Variants in PCK2 observed in about 807,000 individuals in gnomAD.
PCK2 encodes the protein phosphoenolpyruvate carboxykinase [GTP], mitochondrial.
PCK2 carries 56 observed loss-of-function variants against 65.9 expected under a neutral mutation model. The observed-to-expected ratio is 0.85, with a 90% CI of 0.69 to 1.06. The LOEUF (loss-of-function observed/expected upper bound fraction) is 1.06. Among genes scored for constraint, PCK2 ranks in the 50% least tolerant of loss-of-function variants. The pLI, the probability that PCK2 is intolerant of heterozygous loss-of-function variation, is 0.00. For synonymous variants in PCK2, 305 were observed against 319.6 expected (o/e 0.95, Z 0.49); for missense variants, 843 against 863.1 (o/e 0.98, Z 0.29).
chr14:24,100,300 T>C, intron 7 of PCK2, 87 bp downstream of exon 7: 1 of 1,549,880 alleles, frequency 6.5e-7, no homozygotes, highest in South Asian at 1.3e-5. Context: ...TCCAACCATC[T>C]TCTAGGACTG....
intron 7 of PCK2, among the ~76,000 whole-genome samples, chr14:24,101,691 G>A (rs1190333860): frequency 1.3e-5 from 2 of 152,194 alleles, no homozygotes; most frequent in African/African-American, 4.8e-5. Context: ...GGGAGGCCGA[G>A]GCAGTTGGAT....
In PCK2 at chr14:24,094,343, G is replaced by A. The variant is rs1392768647; in HGVS notation, c.-63G>A. ...GCTTCGCCGCGCTCCCTCCTTCCCCGCCTTCCATACCTCCCCGGCTCCGCT... is the reference window on the plus strand; with the variant it reads ...GCTTCGCCGCGCTCCCTCCTTCCCCACCTTCCATACCTCCCCGGCTCCGCT... On this transcript the variant is annotated 5_prime_UTR_variant, in exon 1 of 10. Transcript: ENST00000216780. The surrounding 1 kb of genome is among the most constrained non-coding windows in gnomAD (Gnocchi z 4.1). The A allele has an allele frequency of 2.0e-6, 3 of 1,467,696 alleles. No individual in the cohort carries two copies. The highest frequency in any genetic ancestry group is 1.4e-5 in the African/African-American group (1 of 69,680). The allele number at this position is 1,467,696 out of a possible 1,614,324, so 90.9% of individuals were successfully genotyped here.
At position 24,094,676 on chromosome 14, in the gene PCK2, C is replaced by T; in HGVS notation, c.29+242C>T. 1 of 1,515,652 alleles carries T rather than the reference C, an allele frequency of 6.6e-7. No individual in the cohort carries two copies. The highest frequency in any genetic ancestry group is 8.8e-7 in the Non-Finnish European group (1 of 1,134,162). The allele number at this position is 1,515,652 out of a possible 1,614,324, so 93.9% of individuals were successfully genotyped here. ...TCTGCCTCGCTCGCCTCTGACCGCG[C>T]GATCTCTATCTGCCACTCTCAGAAC... is the stretch of plus-strand genomic sequence containing the variant. On this transcript the variant is annotated intron_variant, in intron 1 of 9. Transcript: ENST00000216780. This position sits in a 1 kb window ranked among gnomAD's most constrained non-coding sequence, Gnocchi z 4.1.
At chr14:24,098,756 C>A in intron 4 of PCK2, 78 bp downstream of exon 4, 1 of 1,256,834 alleles carries the variant, frequency 8.0e-7, no homozygotes, top group Non-Finnish European at 1.1e-6. Flanking sequence ...TACCTCTCCA[C>A]AGACCCTAAG....
At chr14:24,099,400 T>C (rs960691423) in intron 5 of PCK2, among the ~76,000 whole-genome samples, 158 bp from the exon 6 acceptor site, 2 of 152,188 alleles carry the variant, frequency 1.3e-5, no homozygotes, top group African/African-American at 4.8e-5. Flanking sequence ...AATGTTGAGG[T>C]TTCCCCTGCC....
chr14:24,103,731 G>C lies in PCK2; in HGVS notation c.1690G>C (p.Gly564Arg), dbSNP rs1566582427. Residue 564 changes from glycine to arginine, a missense_variant, in exon 10 of 10, where the codon GGG becomes CGG. Transcript: ENST00000216780. ...VLDWICRRLEGEDSARETPIG... is the reference protein window; with the variant it reads ...VLDWICRRLEREDSARETPIG... ...AGACTGGATCTGCCGGCGGTTAGAG[G>C]GGGAGGACAGTGCCCGAGAGACACC... 1 of 1,614,192 alleles carries C rather than the reference G, an allele frequency of 6.2e-7. No individual in the cohort carries two copies. The highest frequency in any genetic ancestry group is 8.5e-7 in the Non-Finnish European group (1 of 1,180,030).
intron 1 of PCK2, among the ~76,000 whole-genome samples, chr14:24,096,324 C>T (rs1182413457): frequency 1.3e-5 from 2 of 150,496 alleles, no homozygotes; most frequent in Non-Finnish European, 1.5e-5. Context: ...CTGCAACCTC[C>T]ACCTCCCGGG....
At position 24,097,117 on chromosome 14, in the gene PCK2, G is replaced by T; in HGVS notation, c.255G>T (p.Lys85Asn). Residue 85 changes from lysine to asparagine, a missense_variant, in exon 2 of 10, where the codon AAG (lysine) becomes AAT (asparagine). Transcript: ENST00000216780. ...TLLEQQGLIR[K>N]LPKYNNCWLA... ...TGGAGCAGCAGGGCCTCATCCGAAA[G>T]CTCCCCAAGTACAATAACTGGTAAG... The T allele has an allele frequency of 6.2e-7, 1 of 1,613,982 alleles. No homozygotes were observed. Among genetic ancestry groups the T allele is most frequent in the Non-Finnish European group, 8.5e-7 (1 of 1,179,970 alleles).
At chr14:24,099,299 T>C (rs1218214434) in intron 5 of PCK2, 63 bp downstream of exon 5, 44 of 1,475,050 alleles carry the variant, frequency 3.0e-5, no homozygotes, top group Non-Finnish European at 8.3e-6. Context: ...GCCTGGCCAG[T>C]CTGCCTCAGC....
chr14:24,099,827 C>A, intron 6 of PCK2, 107 bp downstream of exon 6: 2 of 1,503,928 alleles, frequency 1.3e-6, no homozygotes, highest in Non-Finnish European at 1.9e-6. Flanking sequence ...TTCCTGAACA[C>A]CCAACCCTGC....
At chr14:24,096,241 T>C (rs1177678014) in intron 1 of PCK2, among the ~76,000 whole-genome samples, 2 of 133,116 alleles carry the variant, frequency 1.5e-5, no homozygotes, top group African/African-American at 2.9e-5. Context: ...TTTTTTTTTT[T>C]TTTTTTTTTT....
chr14:24,102,709 C>T lies in PCK2; in HGVS notation c.1235-44C>T, dbSNP rs367927444. On this transcript the variant is annotated intron_variant, in intron 7 of 9. Transcript: ENST00000216780. ...GCCCATGTATGTGTGTGTTGGGGGT[C>T]GACATGACCTTGGAAATAATAGTGT... 5.7e-6 allele frequency: 9 copies of T among 1,575,864 alleles called. No homozygotes were observed. In the African/African-American group the frequency reaches 8.2e-5, roughly 14 times the overall value.
chr14:24,094,278 C>T, upstream of PCK2: 3 of 918,196 alleles, frequency 3.3e-6, no homozygotes, highest in Non-Finnish European at 4.9e-6. The surrounding 1 kb of genome is among the most constrained non-coding windows in gnomAD (Gnocchi z 4.1). Context: ...GCCTGCCCCC[C>T]TCCTTTTTAA....
chr14:24,096,314 C>G (rs1182470950), intron 1 of PCK2, among the ~76,000 whole-genome samples: 1 of 137,882 alleles, frequency 7.3e-6, no homozygotes, highest in Non-Finnish European at 1.5e-5. Flanking sequence ...TCTCGGCTCA[C>G]TGCAACCTCC....
At position 24,099,592 on chromosome 14, in the gene PCK2, G is replaced by A. The variant is rs760348873; in HGVS notation, c.887G>A (p.Arg296His). 12 of 1,609,730 alleles carry A rather than the reference G, an allele frequency of 7.5e-6. No individual in the cohort carries two copies. In the African/African-American group the frequency reaches 1.2e-4, roughly 16 times the overall value. ...LGITSPAGKK[R>H]YVAAAFPSAC... ...ATCACCAGCCCTGCAGGGAAGAAGC[G>A]CTATGTGGCAGCCGCCTTCCCTAGT... The change falls in exon 6 of 10, where the codon CGC (arginine) becomes CAC (histidine). Residue 296 changes from arginine (R) to histidine (H), a missense_variant. Coordinates refer to ENST00000216780, the MANE Select transcript of PCK2 (RefSeq NM_004563.4).
chr14:24,103,505 C>G lies in PCK2; in HGVS notation c.1469-5C>G, dbSNP rs751666369. Reference sequence around the variant, plus strand: ...GATTCCTTACCCATCTTGCTTCCCCCCCAGGGAAGATCATCATGCACGACC... The same window carrying G: ...GATTCCTTACCCATCTTGCTTCCCCGCCAGGGAAGATCATCATGCACGACC... On this transcript the variant is annotated splice_region_variant and splice_polypyrimidine_tract_variant and intron_variant, in intron 9 of 9. Coordinates refer to ENST00000216780, the MANE Select transcript of PCK2 (RefSeq NM_004563.4). The G allele has an allele frequency of 1.4e-5, 21 of 1,541,936 alleles. No individual in the cohort carries two copies. The highest frequency in any genetic ancestry group is 5.1e-5 in the South Asian group (4 of 78,808).
chr14:24,094,913 C>A lies in PCK2; in HGVS notation c.29+479C>A. 8.6e-7 allele frequency: 1 copy of A among 1,159,022 alleles called. No homozygotes were observed. The highest frequency in any genetic ancestry group is 1.1e-6 in the Non-Finnish European group (1 of 872,408). 71.8% of individuals were successfully genotyped at this position (1,159,022 alleles called of 1,614,324 possible). A position where few individuals can be genotyped will look rare whatever the true frequency, so the allele number is the denominator to read the frequency against. The stretch of plus-strand genomic sequence containing the variant: ...AGGTGGAAGGTTAAATATCCATTCC[C>A]GGCCTCTCCCGGACTGGAAGGACTG... On this transcript the variant is annotated intron_variant, in intron 1 of 9. Transcript: ENST00000216780. The surrounding 1 kb of genome is among the most constrained non-coding windows in gnomAD (Gnocchi z 4.1).
rs111723834 is a variant in PCK2, at chr14:24,103,723, G to C, written c.1682G>C (p.Arg561Pro). Reference protein sequence around the residue: ...NARVLDWICRRLEGEDSARET... With the variant: ...NARVLDWICRPLEGEDSARET... ...CGGGTGCTAGACTGGATCTGCCGGC[G>C]GTTAGAGGGGGAGGACAGTGCCCGA... Residue 561 changes from arginine to proline, a missense_variant, in exon 10 of 10, where the codon CGG becomes CCG. Physicochemically the swap from Arg to Pro is moderately radical, Grantham distance 103. Coordinates refer to ENST00000216780, the MANE Select transcript of PCK2 (RefSeq NM_004563.4). 6.2e-7 allele frequency: 1 copy of C among 1,614,174 alleles called. No homozygotes were observed. Among genetic ancestry groups the C allele is most frequent in the African/African-American group, 1.3e-5 (1 of 75,024 alleles).
rs2037065401 is a variant in PCK2 at position 24,099,554 on chromosome 14, A to G, written c.853-4A>G. ...TTCTTATTCCCTCTCTCCCCAATGC[A>G]CAGATCCTGGGCATCACCAGCCCTG... On this transcript the variant is annotated splice_polypyrimidine_tract_variant and splice_region_variant and intron_variant, in intron 5 of 9. Coordinates refer to ENST00000216780, the MANE Select transcript of PCK2 (RefSeq NM_004563.4). 6.3e-7 allele frequency: 1 copy of G among 1,582,170 alleles called. No individual in the cohort carries two copies. Among genetic ancestry groups the G allele is most frequent in the Non-Finnish European group, 8.6e-7 (1 of 1,164,282 alleles).
Sources: allele counts gnomAD v4.1 joint callset (sites outside exome capture counted in the v4.1 genomes callset), GRCh38; gene constraint gnomAD v4.1.1; non-coding constraint Gnocchi (gnomAD v3.1); transcripts MANE v1.5; gene names NCBI Gene and HGNC (gene_info 2026-07-23, HGNC 2026-07-21).